ZWILCH: variants seen among roughly 807,000 people sequenced by gnomAD.
The protein encoded by ZWILCH is protein zwilch homolog.
Under a neutral mutation model 79.9 loss-of-function variants are expected in ZWILCH, and 74 were observed. That is an observed-to-expected ratio of 0.93 (90% CI 0.77 to 1.12). ZWILCH has a LOEUF of 1.12. Among genes scored for constraint, ZWILCH ranks in the 50% most tolerant of loss-of-function variants. ZWILCH has a pLI of 0.00. For missense variants in ZWILCH, 694 were observed against 687.5 expected (o/e 1.01, Z -0.11); for synonymous variants, 241 against 228.2 (o/e 1.06, Z -0.51).
chr15:66,508,880 A>G lies in ZWILCH; in HGVS notation c.93A>G (p.Pro31=). 1 of 1,614,050 alleles carries G rather than the reference A, an allele frequency of 6.2e-7. No homozygotes were observed. ...NEEKKGIRKD[P]FLYEADVQVQ... The stretch of plus-strand genomic sequence containing the variant: ...AAAAGAAAGGAATCCGTAAAGACCC[A>G]TTTCTCTATGAGGTATGAACAATTT... The change falls in exon 2 of 19, where the codon CCA becomes CCG. Residue 31 remains proline, a synonymous_variant. Coordinates refer to ENST00000307897, the MANE Select transcript of ZWILCH (RefSeq NM_017975.5).
chr15:66,519,098 A>AGT lies in ZWILCH; in HGVS notation c.520+31_520+32dup, dbSNP rs761707641. On this transcript the variant is annotated intron_variant, in intron 5 of 18. Transcript: ENST00000307897. ...GTAAAGGTGAGTGCTCTCTCTAGAG[A>AGT]GTGTGTGTGTGTATTTATTCATTTG... The AGT allele has an allele frequency of 2.5e-6, 4 of 1,600,550 alleles. No homozygotes were observed. The highest frequency in any genetic ancestry group is 3.4e-6 in the Non-Finnish European group (4 of 1,167,838).
chr15:66,520,554 TTGTGC>T, intron 5 of ZWILCH, 31 bp from the exon 6 acceptor site: 1 of 1,097,842 alleles, frequency 9.1e-7, no homozygotes, highest in Non-Finnish European at 1.4e-6. Flanking sequence ...TAATTTTGAG[TTGTGC>T]CTTTACATTT....
chr15:66,512,788 A>G (rs1364343516), intron 2 of ZWILCH, among the ~76,000 whole-genome samples: 1 of 150,552 alleles, frequency 6.6e-6, no homozygotes, highest in Non-Finnish European at 1.5e-5. Context: ...TTGCATTTTT[A>G]TTTGTGTATT....
At chr15:66,508,990 A>T in intron 2 of ZWILCH, 98 bp downstream of exon 2, 1 of 1,341,778 alleles carries the variant, frequency 7.5e-7, no homozygotes, top group Non-Finnish European at 1.0e-6. Flanking sequence ...CCCAGGCTGG[A>T]GTGCAGTGGC....
intron 14 of ZWILCH, 67 bp from the exon 15 acceptor site, chr15:66,535,866 C>T (rs1894998447): frequency 2.8e-6 from 4 of 1,421,964 alleles, no homozygotes; most frequent in Non-Finnish European, 2.8e-6. Flanking sequence ...GAAGGCATAC[C>T]TATATTCTTT....
At chr15:66,546,092 A>C (rs1164144186) in intron 17 of ZWILCH, among the ~76,000 whole-genome samples, 2 of 152,200 alleles carry the variant, frequency 1.3e-5, no homozygotes, top group South Asian at 2.1e-4. Flanking sequence ...GATTGTTGAT[A>C]ATGATGAAAA....
At chr15:66,543,206 A>G (rs1895249759) in intron 17 of ZWILCH, among the ~76,000 whole-genome samples, 1 of 152,216 alleles carries the variant, frequency 6.6e-6, no homozygotes, top group Non-Finnish European at 1.5e-5. Context: ...CTCAAAAAAT[A>G]AATAAATAAA....
chr15:66,541,104 C>T lies in ZWILCH; in HGVS notation c.1687+894C>T, dbSNP rs1243335791. On this transcript the variant is annotated intron_variant, in intron 17 of 18. Transcript: ENST00000307897. ...GACCAGCCTGGGCAACATGGAGAAA[C>T]CCCATCTCTACAAAAAAAAAAAAAA... is the stretch of plus-strand genomic sequence containing the variant. Among the ~76,000 whole-genome samples the T allele has an allele frequency of 5.3e-5, 8 of 150,330 alleles. No homozygotes were observed. In the South Asian group the frequency reaches 1.7e-3, roughly 32 times the overall value.
chr15:66,521,020 T>C (rs1894471780), intron 6 of ZWILCH, 30 bp from the exon 7 acceptor site: 2 of 1,607,860 alleles, frequency 1.2e-6, no homozygotes, highest in African/African-American at 1.3e-5. Flanking sequence ...GAAGCACAGC[T>C]AAATGATCTG....
At chr15:66,521,585 T>G (rs1191931655) in intron 7 of ZWILCH, among the ~76,000 whole-genome samples, 6 of 152,124 alleles carry the variant, frequency 3.9e-5, no homozygotes, top group Admixed American at 3.9e-4. Flanking sequence ...AGCCTCGAAC[T>G]CCTGTGCTCA....
In ZWILCH at chr15:66,540,159, T is replaced by G. The variant is rs139335459; in HGVS notation, c.1636T>G (p.Trp546Gly). ...YSGQKKIKTV[W>G]QLSDSSPIDH... ...TGGTCAAAAGAAGATTAAGACAGTT[T>G]GGCAACTGAGTGACAGCTCACCCAT... Residue 546 changes from tryptophan to glycine, a missense_variant, in exon 17 of 19, where the codon TGG (tryptophan) becomes GGG (glycine). Transcript: ENST00000307897. The G allele has an allele frequency of 3.6e-5, 58 of 1,613,752 alleles. No individual in the cohort carries two copies. Among genetic ancestry groups the G allele is most frequent in the Non-Finnish European group, 4.2e-6 (5 of 1,179,850 alleles).
chr15:66,544,724 T>TTTTTTGTGTGTGTGTGTGTGTG (rs145952622), intron 17 of ZWILCH, among the ~76,000 whole-genome samples: 45 of 128,542 alleles, frequency 3.5e-4, no homozygotes, highest in East Asian at 2.5e-4. Flanking sequence ...TTTTTGGTTT[T>TTTTTTGTGTGTGTGTGTGTGTG]TGTGTGTGTG....
intron 4 of ZWILCH, among the ~76,000 whole-genome samples, chr15:66,517,454 A>ATATATATATATG (rs1894321548): frequency 1.4e-5 from 2 of 139,758 alleles, no homozygotes; most frequent in African/African-American, 5.2e-5. Context: ...ATATATATAT[A>ATATATATATATG]TAGTAATGTA....
rs111394705 is a variant in ZWILCH at position 66,514,338 on chromosome 15, C to G, written c.201+255C>G. On this transcript the variant is annotated intron_variant, in intron 3 of 18. Coordinates refer to ENST00000307897, the MANE Select transcript of ZWILCH (RefSeq NM_017975.5). ...TTTTTTTTTTTGAGATGGAGTCTCG[C>G]TCCGTCACTCAGGCTGGAGTGCAGT... The G allele has an allele frequency of 9.4e-3, 1,992 of 211,454 alleles. 35 individuals carry two copies. Among genetic ancestry groups the G allele is most frequent in the African/African-American group, 0.044 (1,864 of 42,098 alleles). 13.1% of individuals were successfully genotyped at this position (211,454 alleles called of 1,614,324 possible). A position where few individuals can be genotyped will look rare whatever the true frequency, so the allele number is the denominator to read the frequency against.
At chr15:66,514,693 C>T (rs34069643) in intron 3 of ZWILCH, among the ~76,000 whole-genome samples, 8,590 of 152,232 alleles carry the variant, frequency 0.056, 342 homozygotes, top group Middle Eastern at 0.11. Context: ...GGATATATAA[C>T]AGTTTTATCT....
At chr15:66,539,701 C>G (rs928795603) in intron 16 of ZWILCH, among the ~76,000 whole-genome samples, 1 of 152,200 alleles carries the variant, frequency 6.6e-6, no homozygotes, top group Non-Finnish European at 1.5e-5. Context: ...ACATTCCACA[C>G]TCTTAACCCT....
At chr15:66,534,251 G>A (rs956399636) in intron 14 of ZWILCH, among the ~76,000 whole-genome samples, 12 of 151,986 alleles carry the variant, frequency 7.9e-5, no homozygotes, top group African/African-American at 2.9e-4. Context: ...ATTGTATTAG[G>A]CATTACAAGT....
chr15:66,529,444 G>A, intron 11 of ZWILCH, 50 bp from the exon 12 acceptor site: 1 of 1,278,016 alleles, frequency 7.8e-7, no homozygotes, highest in Non-Finnish European at 1.1e-6. Context: ...TGATATATTT[G>A]ATCTGTAGAA....
chr15:66,527,067 A>G (rs1033907989), intron 8 of ZWILCH, among the ~76,000 whole-genome samples: 9 of 152,176 alleles, frequency 5.9e-5, no homozygotes, highest in African/African-American at 2.4e-5. Flanking sequence ...CAAGTTACTG[A>G]ACCTCTCTTA....
Sources: gnomAD v4.1 joint callset for allele counts (sites outside exome capture counted in the v4.1 genomes callset) on GRCh38, gnomAD v4.1.1 for gene constraint, MANE v1.5 for transcripts, NCBI Gene and HGNC (gene_info 2026-07-23, HGNC 2026-07-21) for gene names.